NTRK2: variants seen among roughly 807,000 people sequenced by gnomAD.
The protein encoded by NTRK2 is neurotrophic receptor tyrosine kinase 2.
NTRK2 carries 13 observed loss-of-function variants against 94.5 expected under a neutral mutation model. The observed-to-expected ratio is 0.14, with a 90% confidence interval of 0.09 to 0.22. The LOEUF is 0.22. Ranked by LOEUF, NTRK2 falls within the 10% of genes least tolerant of loss-of-function variation. The pLI is 1.00. For missense variants in NTRK2, 639 were observed against 1,071.2 expected (o/e 0.60, Z 5.63); for synonymous variants, 372 against 407.4 (o/e 0.91, Z 1.05).
At position 85,026,781 on chromosome 9, in the gene NTRK2, C is replaced by T. The variant is rs1304446083; in HGVS notation, c.*5344C>T. On this transcript the variant is annotated 3_prime_UTR_variant, in exon 19 of 19. Coordinates refer to ENST00000277120, the MANE Select transcript of NTRK2 (RefSeq NM_006180.6). Reference sequence around the variant, plus strand: ...ATCGTGACCTGGTATTTGGAACTCTCCTTTTCATTTGGCTTATCTTCCTTT... The same window carrying T: ...ATCGTGACCTGGTATTTGGAACTCTTCTTTTCATTTGGCTTATCTTCCTTT... 2 of 232,924 alleles carry T rather than the reference C, an allele frequency of 8.6e-6. No individual in the cohort carries two copies. The highest frequency in any genetic ancestry group is 6.1e-5 in the East Asian group (1 of 16,512). 14.4% of individuals were successfully genotyped at this position (232,924 alleles called of 1,614,324 possible).
intron 17 of NTRK2, among the ~76,000 whole-genome samples, chr9:84,964,513 C>T (rs1261617358): frequency 2.6e-5 from 4 of 152,132 alleles, no homozygotes; most frequent in Non-Finnish European, 5.9e-5. Context: ...GAACTCAGCT[C>T]GGTATTCAAC....
chr9:84,813,436 G>T lies in NTRK2; in HGVS notation c.1397-47604G>T, dbSNP rs57200144. 20 of 1,064,332 alleles carry T rather than the reference G, an allele frequency of 1.9e-5. 1 individual carries two copies. In the East Asian group the frequency reaches 1.0e-3, roughly 53 times the overall value. 65.9% of individuals were successfully genotyped at this position (1,064,332 alleles called of 1,614,324 possible). ...TGTGGGCTGCCAGTTTATTACTTTT[G>T]TCTTAAAACATGATCATTGTTCTCT... is the stretch of plus-strand genomic sequence containing the variant. On this transcript the variant is annotated intron_variant, in intron 12 of 18. Coordinates refer to ENST00000277120, the MANE Select transcript of NTRK2 (RefSeq NM_006180.6).
chr9:84,896,101 T>C (rs1464237035), intron 14 of NTRK2, among the ~76,000 whole-genome samples: 1 of 152,242 alleles, frequency 6.6e-6, no homozygotes, highest in Non-Finnish European at 1.5e-5. Flanking sequence ...TAGGTGTGTT[T>C]GTTTATGTGT....
chr9:84,985,376 A>G (rs557310821), intron 17 of NTRK2, among the ~76,000 whole-genome samples: 1 of 152,338 alleles, frequency 6.6e-6, no homozygotes, highest in African/African-American at 2.4e-5. Flanking sequence ...GGGGCTACTG[A>G]TAATATCTAC....
intron 12 of NTRK2, among the ~76,000 whole-genome samples, chr9:84,860,331 C>T (rs769719221): frequency 7.2e-5 from 11 of 152,130 alleles, no homozygotes; most frequent in Non-Finnish European, 1.2e-4. Context: ...GCTCTCCAGA[C>T]GTTTGGCAGG....
intron 12 of NTRK2, among the ~76,000 whole-genome samples, chr9:84,759,518 C>G (rs2065366418): frequency 1.3e-5 from 2 of 152,206 alleles, no homozygotes; most frequent in Admixed American, 1.3e-4. Context: ...GTAGAAAGTG[C>G]ATGCAATATT....
rs151303780 is a variant in NTRK2 at position 84,877,659 on chromosome 9, A to G, written c.1633+10228A>G. ...TCTGTTGATTGCTAAATGTTGCCTA[A>G]CTTTATTTCCCTCTCCCACATTTCA... On this transcript the variant is annotated intron_variant, in intron 14 of 18. Coordinates refer to ENST00000277120, the MANE Select transcript of NTRK2 (RefSeq NM_006180.6). 7,070 of 1,064,344 alleles carry G rather than the reference A, an allele frequency of 6.6e-3. 36 individuals carry two copies. Among genetic ancestry groups the G allele is most frequent in the Middle Eastern group, 0.013 (32 of 2,390 alleles). The allele number at this position is 1,064,344 out of a possible 1,614,324, so 65.9% of individuals were successfully genotyped here. A position where few individuals can be genotyped will look rare whatever the true frequency, so the allele number is the denominator to read the frequency against.
chr9:84,835,480 G>A (rs1320471641), intron 12 of NTRK2, among the ~76,000 whole-genome samples: 1 of 151,764 alleles, frequency 6.6e-6, no homozygotes, highest in Non-Finnish European at 1.5e-5. Context: ...TAAAGCCACG[G>A]GATATGTTTT....
intron 14 of NTRK2, among the ~76,000 whole-genome samples, chr9:84,917,139 G>A (rs1332040075): frequency 1.3e-5 from 2 of 152,122 alleles, no homozygotes; most frequent in African/African-American, 4.8e-5. Flanking sequence ...TTTGACTTTG[G>A]GGGCATAGAA....
At chr9:84,896,367 C>T (rs893110787) in intron 14 of NTRK2, among the ~76,000 whole-genome samples, 1 of 152,182 alleles carries the variant, frequency 6.6e-6, no homozygotes, top group Admixed American at 6.5e-5. Flanking sequence ...CAGCACAGAG[C>T]TGGGGCTCAG....
At chr9:84,863,341 C>A (rs1231906570) in intron 13 of NTRK2, among the ~76,000 whole-genome samples, 1 of 152,168 alleles carries the variant, frequency 6.6e-6, no homozygotes, top group African/African-American at 2.4e-5. Context: ...AAAAATGTTT[C>A]CAGACTTAAC....
chr9:84,897,359 T>C (rs531682797), intron 14 of NTRK2, among the ~76,000 whole-genome samples: 1 of 152,300 alleles, frequency 6.6e-6, no homozygotes, highest in African/African-American at 2.4e-5. Flanking sequence ...ATGGTCTCGA[T>C]CTCCTGAACT....
intron 4 of NTRK2, among the ~76,000 whole-genome samples, chr9:84,704,262 T>C (rs2060906929): frequency 7.6e-6 from 1 of 131,736 alleles, no homozygotes; most frequent in African/African-American, 2.8e-5. Flanking sequence ...GGAGTCTCGC[T>C]CTGTCACCCA....
chr9:84,874,748 G>A, intron 14 of NTRK2: 5 of 1,060,780 alleles, frequency 4.7e-6, no homozygotes, highest in Non-Finnish European at 5.7e-6. Context: ...AGCAGCCCGA[G>A]GAGGAGATGA....
At chr9:84,851,383 A>G (rs1225953406) in intron 12 of NTRK2, among the ~76,000 whole-genome samples, 1 of 152,228 alleles carries the variant, frequency 6.6e-6, no homozygotes, top group East Asian at 1.9e-4. Context: ...TCGTTTGACC[A>G]GCATTGCATT....
At chr9:84,768,299 T>C (rs2066217290) in intron 12 of NTRK2, among the ~76,000 whole-genome samples, 1 of 152,256 alleles carries the variant, frequency 6.6e-6, no homozygotes, top group Non-Finnish European at 1.5e-5. Context: ...GCACTGATTG[T>C]AGCAAATGTT....
chr9:85,020,165 C>T (rs372555828), intron 17 of NTRK2, 41 bp from the exon 18 acceptor site: 39 of 1,611,986 alleles, frequency 2.4e-5, no homozygotes, highest in Non-Finnish European at 2.8e-5. Flanking sequence ...CACCTGGTTT[C>T]GGGGTGACTG....
intron 12 of NTRK2, among the ~76,000 whole-genome samples, chr9:84,849,171 T>C (rs55968210): frequency 6.6e-6 from 1 of 152,148 alleles, no homozygotes; most frequent in Admixed American, 6.6e-5. Flanking sequence ...CTCCTCCTGC[T>C]GCACATACAA....
chr9:85,006,456 G>A (rs115361958), intron 17 of NTRK2, among the ~76,000 whole-genome samples: 2,351 of 150,762 alleles, frequency 0.016, 74 homozygotes, highest in African/African-American at 0.056. Context: ...AAGGTGAGCC[G>A]CTCCTGCCTC....
Sources: gnomAD v4.1 joint callset for allele counts (sites outside exome capture counted in the v4.1 genomes callset) on GRCh38, gnomAD v4.1.1 for gene constraint, MANE v1.5 for transcripts, NCBI Gene and HGNC (gene_info 2026-07-23, HGNC 2026-07-21) for gene names.